Variants in LUZP2 observed in about 807,000 individuals in gnomAD.
LUZP2 encodes the protein leucine zipper protein 2.
A neutral mutation model predicts 51.6 loss-of-function variants in LUZP2; 52 were observed. The observed-to-expected ratio is 1.01, with a 90% CI of 0.81 to 1.27. The LOEUF (loss-of-function observed/expected upper bound fraction) is 1.27. Among genes scored for constraint, LUZP2 ranks in the 50% most tolerant of loss-of-function variants. LUZP2 has a pLI of 0.00. For missense variants in LUZP2, 436 were observed against 395.4 expected (o/e 1.10, Z -0.87); for synonymous variants, 154 against 137.3 (o/e 1.12, Z -0.85).
chr11:24,892,181 T>TA (rs1306485323), intron 5 of LUZP2: 1 of 985,528 alleles, frequency 1.0e-6, no homozygotes, highest in Non-Finnish European at 1.2e-6. Context: ...TCTCCTTTTT[T>TA]ACCTTCTGTG....
chr11:24,741,527 C>T (rs915568858), intron 4 of LUZP2, among the ~76,000 whole-genome samples: 15 of 151,856 alleles, frequency 9.9e-5, no homozygotes, highest in Admixed American at 4.6e-4. Context: ...AAGCAGTATA[C>T]ACTGCATCCT....
chr11:24,923,668 G>C (rs978233626), intron 7 of LUZP2, among the ~76,000 whole-genome samples: 1 of 152,070 alleles, frequency 6.6e-6, no homozygotes, highest in Non-Finnish European at 1.5e-5. Context: ...CTGCACTCCA[G>C]CCTGGCACAG....
chr11:24,916,209 CCTAA>C (rs1853784619), intron 7 of LUZP2, among the ~76,000 whole-genome samples: 1 of 151,988 alleles, frequency 6.6e-6, no homozygotes, highest in African/African-American at 2.4e-5. Context: ...AGAGGTGAGG[CCTAA>C]CTGACTGTTA....
chr11:24,833,954 A>T (rs1401059506), intron 5 of LUZP2, among the ~76,000 whole-genome samples: 4 of 152,232 alleles, frequency 2.6e-5, no homozygotes, highest in Non-Finnish European at 5.9e-5. Context: ...TTATTATCCC[A>T]TAAAGAAGGA....
chr11:24,824,255 A>G (rs1850452655), intron 5 of LUZP2, among the ~76,000 whole-genome samples: 1 of 150,202 alleles, frequency 6.7e-6, no homozygotes, highest in South Asian at 2.1e-4. Flanking sequence ...AATCCCAGCT[A>G]CTCAGGAGGC....
chr11:24,596,770 A>G (rs1433077094), intron 1 of LUZP2, among the ~76,000 whole-genome samples: 3 of 152,156 alleles, frequency 2.0e-5, no homozygotes, highest in Non-Finnish European at 4.4e-5. Flanking sequence ...ATCATCAAGA[A>G]CCAGGTGTTC....
At chr11:24,950,081 G>A (rs1855035381) in intron 7 of LUZP2, among the ~76,000 whole-genome samples, 2 of 150,432 alleles carry the variant, frequency 1.3e-5, no homozygotes, top group Admixed American at 6.6e-5. Flanking sequence ...GAGATGAATG[G>A]GTGGAAAGTT....
intron 1 of LUZP2, among the ~76,000 whole-genome samples, chr11:24,516,190 GACACTT>G (rs1850457318): frequency 6.6e-6 from 1 of 152,026 alleles, no homozygotes; most frequent in Admixed American, 6.6e-5. Context: ...TTAAAGACCT[GACACTT>G]ACACTTGATT....
At chr11:24,538,863 C>T (rs1177872972) in intron 1 of LUZP2, among the ~76,000 whole-genome samples, 2 of 151,748 alleles carry the variant, frequency 1.3e-5, no homozygotes, top group East Asian at 3.9e-4. Context: ...AAGGACATAA[C>T]AATTTCACAA....
intron 8 of LUZP2, among the ~76,000 whole-genome samples, chr11:24,978,774 G>C (rs1306209184): frequency 1.3e-5 from 2 of 151,718 alleles, no homozygotes; most frequent in African/African-American, 4.8e-5. Context: ...GGGTCATAGG[G>C]CACGGTATAG....
At chr11:24,882,056 T>G (rs1392672861) in intron 5 of LUZP2, among the ~76,000 whole-genome samples, 3 of 152,004 alleles carry the variant, frequency 2.0e-5, no homozygotes. Context: ...TAGCTCTCAT[T>G]GGTATCAGGT....
At chr11:24,719,401 G>T (rs933913037) in intron 1 of LUZP2, among the ~76,000 whole-genome samples, 2 of 152,102 alleles carry the variant, frequency 1.3e-5, no homozygotes, top group African/African-American at 2.4e-5. Flanking sequence ...TAGTGAAATT[G>T]GACAAACTTG....
At chr11:24,999,697 TTATA>T (rs1241976960) in intron 9 of LUZP2, among the ~76,000 whole-genome samples, 1 of 152,082 alleles carries the variant, frequency 6.6e-6, no homozygotes, top group Non-Finnish European at 1.5e-5. Context: ...ACATGCAATG[TTATA>T]TATATTTCTA....
intron 1 of LUZP2, among the ~76,000 whole-genome samples, chr11:24,706,999 T>TAA (rs756567659): frequency 2.1e-4 from 13 of 61,906 alleles, no homozygotes; most frequent in African/African-American, 5.6e-4. Context: ...TTGCTAAAAA[T>TAA]AAAAAAAAAA....
chr11:24,775,446 C>G (rs897045556), intron 5 of LUZP2, among the ~76,000 whole-genome samples: 1 of 152,084 alleles, frequency 6.6e-6, no homozygotes. Flanking sequence ...TTGTTACAGC[C>G]AAAGCATAAT....
intron 1 of LUZP2, among the ~76,000 whole-genome samples, chr11:24,529,094 C>T (rs1268623264): frequency 6.6e-6 from 1 of 151,026 alleles, no homozygotes; most frequent in African/African-American, 2.4e-5. Flanking sequence ...CATAGTCATC[C>T]TCCACATCAT....
chr11:24,704,937 A>G (rs1857529540), intron 1 of LUZP2, among the ~76,000 whole-genome samples: 2 of 152,320 alleles, frequency 1.3e-5, no homozygotes, highest in Admixed American at 6.5e-5. Context: ...ATTACCACAA[A>G]TGCCTTGGGC....
intron 1 of LUZP2, among the ~76,000 whole-genome samples, chr11:24,695,267 G>C (rs1857209516): frequency 6.6e-6 from 1 of 151,924 alleles, no homozygotes; most frequent in Non-Finnish European, 1.5e-5. Flanking sequence ...TAATACCAAA[G>C]ACATGTGGGT....
intron 7 of LUZP2, among the ~76,000 whole-genome samples, chr11:24,922,965 C>T (rs1002631147): frequency 6.7e-6 from 1 of 149,414 alleles, no homozygotes; most frequent in African/African-American, 2.5e-5. Context: ...TCTCCTGCCT[C>T]AGCCTCCTGA....
Sources: allele counts gnomAD v4.1 joint callset (sites outside exome capture counted in the v4.1 genomes callset), GRCh38; gene constraint gnomAD v4.1.1; transcripts MANE v1.5; gene names NCBI Gene and HGNC (gene_info 2026-07-23, HGNC 2026-07-21).